The following APBB2 variants were observed in gnomAD, a reference collection of about 807,000 sequenced individuals.
APBB2 encodes the protein Fe65-like 1.
Under a neutral mutation model 82.5 loss-of-function variants are expected in APBB2, and 38 were observed. That is an observed-to-expected ratio of 0.46 (90% CI 0.36 to 0.60). The LOEUF is 0.60. Ranked by LOEUF, APBB2 falls within the 20% of genes least tolerant of loss-of-function variation. APBB2 has a pLI of 0.00. For missense variants in APBB2, 772 were observed against 972.3 expected (o/e 0.79, Z 2.74); for synonymous variants, 341 against 368.2 (o/e 0.93, Z 0.85).
chr4:41,003,902 AG>A (rs1805919944), intron 6 of APBB2, among the ~76,000 whole-genome samples: 1 of 152,064 alleles, frequency 6.6e-6, no homozygotes, highest in Non-Finnish European at 1.5e-5. Flanking sequence ...TAGTAGAGAC[AG>A]GGTTTCACCA....
chr4:41,137,717 G>A (rs769756452), intron 2 of APBB2, among the ~76,000 whole-genome samples: 6 of 152,122 alleles, frequency 3.9e-5, no homozygotes, highest in Non-Finnish European at 8.8e-5. Context: ...TACATTTGTG[G>A]TCAATTGATT....
chr4:41,134,101 G>A (rs1268835978), intron 2 of APBB2, among the ~76,000 whole-genome samples: 1 of 152,084 alleles, frequency 6.6e-6, no homozygotes, highest in Non-Finnish European at 1.5e-5. Flanking sequence ...CTCTTGAGTA[G>A]CTAGGTTTAT....
chr4:41,137,443 G>A lies in APBB2; in HGVS notation c.-261+5544C>T, dbSNP rs565690420. The stretch of plus-strand genomic sequence containing the variant: ...AATGCACTTTGATTGATTCCACATT[G>A]TCATCTACCATATTAGATTTCCATA... On this transcript the variant is annotated intron_variant, in intron 2 of 17. Transcript: ENST00000508593. Among the ~76,000 whole-genome samples the A allele has an allele frequency of 2.6e-5, 4 of 152,076 alleles. No homozygotes were observed. In the East Asian group the frequency reaches 5.8e-4, roughly 22 times the overall value.
At chr4:40,972,445 TAATA>T (rs1553888325) in intron 6 of APBB2, among the ~76,000 whole-genome samples, 2 of 146,998 alleles carry the variant, frequency 1.4e-5, no homozygotes, top group African/African-American at 5.0e-5. Flanking sequence ...AAAAAAATAA[TAATA>T]AATAAATAAA....
chr4:40,857,183 C>A (rs1025177165), intron 12 of APBB2: 6 of 981,192 alleles, frequency 6.1e-6, no homozygotes, highest in South Asian at 9.4e-5. Context: ...CGCCTCCCTG[C>A]GCCCTCCCTG....
In APBB2 at chr4:40,918,759, G is replaced by GTTT. The variant is rs1208082701; in HGVS notation, c.1254+15694_1254+15696dup. Among the ~76,000 whole-genome samples the GTTT allele has an allele frequency of 1.3e-4, 11 of 84,324 alleles. No individual in the cohort carries two copies. In the South Asian group the frequency reaches 1.8e-3, roughly 14 times the overall value. 55.3% of individuals were successfully genotyped at this position (84,324 alleles called of 152,430 possible). ...CTCCCTCCTTCCTTATTTTTTCTCT[G>GTTT]TTTTTTTTTTTGTTTGTTTGTTTTT... On this transcript the variant is annotated intron_variant, in intron 10 of 17. Coordinates refer to ENST00000508593, the MANE Select transcript of APBB2 (RefSeq NM_004307.2).
intron 12 of APBB2, among the ~76,000 whole-genome samples, chr4:40,864,844 CGTTTGATTCTTTTTTTTTTTT>C (rs1560739286): frequency 1.5e-5 from 2 of 129,420 alleles, no homozygotes; most frequent in Admixed American, 1.9e-4. Flanking sequence ...GTCAGCACAA[CGTTTGATTCTTTTTTTTTTTT>C]TTTTTTTTTT....
chr4:40,860,468 T>C (rs1202283659), intron 12 of APBB2, among the ~76,000 whole-genome samples: 1 of 152,172 alleles, frequency 6.6e-6, no homozygotes, highest in Non-Finnish European at 1.5e-5. Flanking sequence ...CCAGGGAAGT[T>C]ATGCTGCCCA....
chr4:40,967,056 G>A (rs370152709), intron 6 of APBB2, among the ~76,000 whole-genome samples: 55 of 152,264 alleles, frequency 3.6e-4, no homozygotes, highest in African/African-American at 1.3e-3. Flanking sequence ...AAAAACCCCA[G>A]GTTCAGCCAG....
intron 6 of APBB2, among the ~76,000 whole-genome samples, chr4:40,953,303 A>G (rs536877758): frequency 1.3e-5 from 2 of 151,610 alleles, no homozygotes; most frequent in East Asian, 3.9e-4. Flanking sequence ...TCTCAAAAAA[A>G]AAAAAAAAAA....
Position 40,986,318 on chromosome 4 carries a change from C to T in APBB2, c.835+27265G>A, listed in dbSNP as rs150008813. Among the ~76,000 whole-genome samples, 895 of 152,332 alleles carry T rather than the reference C, an allele frequency of 5.9e-3. 1 individual carries two copies. The highest frequency in any genetic ancestry group is 9.8e-3 in the Non-Finnish European group (665 of 68,034). ...CAATCCACTCCCAACTCATCTGCTA[C>T]CAGCATCCTCCAGGTTTTTGAGCTA... is the stretch of plus-strand genomic sequence containing the variant. On this transcript the variant is annotated intron_variant, in intron 6 of 17. Transcript: ENST00000508593.
chr4:41,112,794 C>A (rs1162140902), intron 2 of APBB2, among the ~76,000 whole-genome samples: 2 of 152,052 alleles, frequency 1.3e-5, no homozygotes, highest in African/African-American at 4.8e-5. Context: ...TCGAGACCAG[C>A]CTGACCAACA....
At chr4:40,982,327 G>A (rs1228363314) in intron 6 of APBB2, among the ~76,000 whole-genome samples, 51 of 31,274 alleles carry the variant, frequency 1.6e-3, no homozygotes, top group Admixed American at 2.9e-3. Flanking sequence ...AGAAAGAAAA[G>A]AAAGAAGGAA....
intron 1 of APBB2, among the ~76,000 whole-genome samples, chr4:41,149,466 G>C (rs551325199): frequency 6.6e-6 from 1 of 151,968 alleles, no homozygotes; most frequent in East Asian, 1.9e-4. Flanking sequence ...CAGGGGAAAG[G>C]GCTGAGGAAA....
intron 1 of APBB2, among the ~76,000 whole-genome samples, chr4:41,195,926 C>T: frequency 6.6e-6 from 1 of 152,154 alleles, no homozygotes; most frequent in Non-Finnish European, 1.5e-5. Context: ...TTTGGGAGGC[C>T]AAGGCGGGCA....
intron 2 of APBB2, among the ~76,000 whole-genome samples, chr4:41,140,853 T>A (rs141456244): frequency 1.6e-4 from 24 of 152,262 alleles, no homozygotes; most frequent in African/African-American, 5.8e-4. Flanking sequence ...TGCCACTGTC[T>A]CCCATCATCC....
chr4:40,851,053 T>C (rs1759177338), intron 12 of APBB2, among the ~76,000 whole-genome samples: 1 of 152,196 alleles, frequency 6.6e-6, no homozygotes, highest in African/African-American at 2.4e-5. Context: ...TGGACAGCAC[T>C]GGCTAAACAC....
At chr4:41,146,178 T>G (rs1040396044) in intron 1 of APBB2, among the ~76,000 whole-genome samples, 1 of 151,806 alleles carries the variant, frequency 6.6e-6, no homozygotes, top group African/African-American at 2.4e-5. Context: ...ATACATAAAT[T>G]AGCAAGGCAT....
chr4:40,928,429 A>AC (rs771316562), intron 10 of APBB2, among the ~76,000 whole-genome samples: 199 of 10,992 alleles, frequency 0.018, 4 homozygotes, highest in Middle Eastern at 0.17. Context: ...CACACACACA[A>AC]TCAGCCAGGT....
Sources: allele counts gnomAD v4.1 joint callset (sites outside exome capture counted in the v4.1 genomes callset), GRCh38; gene constraint gnomAD v4.1.1; transcripts MANE v1.5; gene names NCBI Gene and HGNC (gene_info 2026-07-23, HGNC 2026-07-21).